Variants in IMMP2L observed in about 807,000 individuals in gnomAD.
The protein encoded by IMMP2L is mitochondrial inner membrane protease subunit 2.
Under a neutral mutation model 19.3 loss-of-function variants are expected in IMMP2L, and 18 were observed. That is an observed-to-expected ratio of 0.93 (90% CI 0.64 to 1.38). The LOEUF is 1.38. Among genes scored for constraint, IMMP2L ranks in the 40% most tolerant of loss-of-function variants. The pLI is 0.00. For synonymous variants in IMMP2L, 76 were observed against 73.0 expected (o/e 1.04, Z -0.21); for missense variants, 233 against 218.2 (o/e 1.07, Z -0.43).
intron 3 of IMMP2L, among the ~76,000 whole-genome samples, chr7:111,439,057 T>G (rs1468505978): frequency 6.6e-6 from 1 of 151,838 alleles, no homozygotes; most frequent in Non-Finnish European, 1.5e-5. Flanking sequence ...GGTCCAGCAG[T>G]TAGAATCAGC....
rs925037556 is a variant in IMMP2L at position 111,480,597 on chromosome 7, CAAAAAAAAAAAAA to C, written c.239+6628_239+6640del. On this transcript the variant is annotated intron_variant, in intron 3 of 5. Transcript: ENST00000405709. Reference sequence around the variant, plus strand: ...ATTTCCCTCCCCAGCATTTTACTGTCAAAAAAAAAAAAAAAAAAAAAAAAACTGGAAACCTAGG... The same window carrying C: ...ATTTCCCTCCCCAGCATTTTACTGTCAAAAAAAAAAAACTGGAAACCTAGG... Among the ~76,000 whole-genome samples, 16 of 55,060 alleles carry C rather than the reference CAAAAAAAAAAAAA, an allele frequency of 2.9e-4. No individual in the cohort carries two copies. In the East Asian group the frequency reaches 5.2e-3, roughly 18 times the overall value. The allele number at this position is 55,060 out of a possible 152,430, so 36.1% of individuals were successfully genotyped here. A position where few individuals can be genotyped will look rare whatever the true frequency, so the allele number is the denominator to read the frequency against.
chr7:111,358,663 C>T (rs1828960278), intron 3 of IMMP2L, among the ~76,000 whole-genome samples: 1 of 152,068 alleles, frequency 6.6e-6, no homozygotes, highest in African/African-American at 2.4e-5. Context: ...AAGAATTATG[C>T]ATGGGTGAAA....
At chr7:110,782,534 G>T (rs1460947402) in intron 5 of IMMP2L, among the ~76,000 whole-genome samples, 1 of 151,684 alleles carries the variant, frequency 6.6e-6, no homozygotes, top group Admixed American at 6.6e-5. Context: ...GACTTTTTTT[G>T]TAACTGTTTT....
intron 3 of IMMP2L, among the ~76,000 whole-genome samples, chr7:111,115,520 CT>C (rs1158755265): frequency 2.6e-5 from 4 of 152,044 alleles, no homozygotes; most frequent in South Asian, 2.1e-4. Flanking sequence ...TCATCCCCCC[CT>C]CTGTAAAAGA....
chr7:111,336,624 T>C (rs935280339), intron 3 of IMMP2L, among the ~76,000 whole-genome samples: 1 of 152,072 alleles, frequency 6.6e-6, no homozygotes, highest in African/African-American at 2.4e-5. Flanking sequence ...TTCTAATAAG[T>C]TCTCTTTCAT....
In IMMP2L at chr7:110,803,139, G is replaced by A. The variant is rs1801377701; in HGVS notation, c.408+83454C>T. On this transcript the variant is annotated intron_variant, in intron 5 of 5. Coordinates refer to ENST00000405709, the MANE Select transcript of IMMP2L (RefSeq NM_032549.4). This position sits in a 1 kb window ranked among gnomAD's most constrained non-coding sequence, Gnocchi z 4.2. ...TGAAGGATGTATAGGATTAGGATAG[G>A]TAAAAAGAGCAGTAATGGAGGGGCA... Among the ~76,000 whole-genome samples, 1 of 152,076 alleles carries A rather than the reference G, an allele frequency of 6.6e-6. No homozygotes were observed. The highest frequency in any genetic ancestry group is 2.4e-5 in the African/African-American group (1 of 41,432).
At chr7:110,996,874 A>AT (rs1210941333) in intron 3 of IMMP2L, among the ~76,000 whole-genome samples, 1 of 152,076 alleles carries the variant, frequency 6.6e-6, no homozygotes, top group East Asian at 1.9e-4. Flanking sequence ...ACAGGTTTAC[A>AT]TGCAGTTAGT....
intron 5 of IMMP2L, chr7:110,664,770 A>G (rs1358732005): frequency 6.6e-6 from 1 of 152,194 alleles, no homozygotes; most frequent in African/African-American, 2.4e-5. Flanking sequence ...CATATTTAGC[A>G]CATATTTACT....
chr7:110,838,730 C>T (rs2131429902), intron 5 of IMMP2L, among the ~76,000 whole-genome samples: 1 of 152,188 alleles, frequency 6.6e-6, no homozygotes, highest in South Asian at 2.1e-4. Flanking sequence ...ATTAATTACC[C>T]AGTTTCAGGT....
At chr7:110,816,802 T>G (rs13240899) in intron 5 of IMMP2L, among the ~76,000 whole-genome samples, 18 of 151,898 alleles carry the variant, frequency 1.2e-4, no homozygotes, top group African/African-American at 3.9e-4. Flanking sequence ...TGCCTTTTTT[T>G]GTTTTCCATT....
At chr7:110,846,782 A>G (rs1459594569) in intron 5 of IMMP2L, among the ~76,000 whole-genome samples, 1 of 152,148 alleles carries the variant, frequency 6.6e-6, no homozygotes, top group Admixed American at 6.5e-5. Flanking sequence ...TTAATATATT[A>G]GCTGTTATTC....
chr7:111,299,643 T>C (rs1584510487), intron 3 of IMMP2L, among the ~76,000 whole-genome samples: 1 of 147,122 alleles, frequency 6.8e-6, no homozygotes, highest in African/African-American at 2.5e-5. Context: ...TTTTGAAAAA[T>C]AAAATATTAA....
chr7:111,163,675 G>C (rs1402906689), intron 3 of IMMP2L, among the ~76,000 whole-genome samples: 4 of 152,026 alleles, frequency 2.6e-5, no homozygotes, highest in Admixed American at 1.3e-4. Flanking sequence ...TAAGGGGCTT[G>C]ATAGATTTTC....
chr7:111,520,039 G>A (rs904776182), intron 2 of IMMP2L, among the ~76,000 whole-genome samples: 5 of 152,064 alleles, frequency 3.3e-5, no homozygotes, highest in Admixed American at 6.6e-5. Flanking sequence ...GAAAGTCTAC[G>A]TTTCCCTAAG....
intron 5 of IMMP2L, among the ~76,000 whole-genome samples, chr7:110,861,125 GAGAGAC>G (rs967220811): frequency 2.1e-5 from 3 of 146,010 alleles, no homozygotes; most frequent in African/African-American, 5.0e-5. Context: ...GAGAGAGAGA[GAGAGAC>G]AGAGACAGAG....
intron 3 of IMMP2L, among the ~76,000 whole-genome samples, chr7:110,964,201 A>G (rs1406429806): frequency 6.6e-6 from 1 of 152,066 alleles, no homozygotes; most frequent in Non-Finnish European, 1.5e-5. Context: ...TAAACTATCC[A>G]GTCTCAGGTA....
intron 1 of IMMP2L, among the ~76,000 whole-genome samples, chr7:111,534,858 A>G (rs924817920): frequency 6.6e-6 from 1 of 152,178 alleles, no homozygotes; most frequent in Non-Finnish European, 1.5e-5. Flanking sequence ...AAATGCAAAG[A>G]TATTTTCCCC....
At chr7:111,385,305 T>A (rs1002466154) in intron 3 of IMMP2L, among the ~76,000 whole-genome samples, 7 of 152,148 alleles carry the variant, frequency 4.6e-5, no homozygotes, top group Non-Finnish European at 1.0e-4. Context: ...TTTGCATTGC[T>A]TACACTCCTT....
chr7:111,032,558 A>G (rs1790935513), intron 3 of IMMP2L, among the ~76,000 whole-genome samples: 1 of 152,172 alleles, frequency 6.6e-6, no homozygotes, highest in African/African-American at 2.4e-5. Flanking sequence ...CCAGTGGCTT[A>G]CACCTGTAAT....
Sources: allele counts gnomAD v4.1 joint callset (sites outside exome capture counted in the v4.1 genomes callset), GRCh38; gene constraint gnomAD v4.1.1; non-coding constraint Gnocchi (gnomAD v3.1); transcripts MANE v1.5; gene names NCBI Gene and HGNC (gene_info 2026-07-23, HGNC 2026-07-21).